CACNA1C: variants seen among roughly 807,000 people sequenced by gnomAD.
The protein encoded by CACNA1C is calcium voltage-gated channel subunit alpha1 C.
In CACNA1C, 30 loss-of-function variants were observed where a neutral mutation model predicts 229.0. That is an observed-to-expected ratio of 0.13 (90% CI 0.10 to 0.18). CACNA1C has a LOEUF of 0.18. Ranked by LOEUF, CACNA1C falls within the 10% of genes least tolerant of loss-of-function variation. The pLI is 1.00. For synonymous variants in CACNA1C, 1,114 were observed against 1,132.5 expected (o/e 0.98, Z 0.33); for missense variants, 1,658 against 2,845.0 (o/e 0.58, Z 9.49).
intron 1 of CACNA1C, among the ~76,000 whole-genome samples, chr12:2,065,853 T>G (rs2059086141): frequency 6.6e-6 from 1 of 151,058 alleles, no homozygotes; most frequent in African/African-American, 2.4e-5. Context: ...TTCAAAGGAG[T>G]AGTGAGTTGA....
At chr12:2,395,624 G>C (rs1378703068) in intron 3 of CACNA1C, among the ~76,000 whole-genome samples, 2 of 152,184 alleles carry the variant, frequency 1.3e-5, no homozygotes, top group African/African-American at 2.4e-5. Flanking sequence ...GCCTCTGGAA[G>C]AGCCAAGTGG....
In CACNA1C at chr12:2,682,653, G is replaced by A. The variant is rs1556204642; in HGVS notation, c.5548G>A (p.Glu1850Lys). The change falls in exon 43 of 47, where the codon GAG (glutamate) becomes AAG (lysine). Residue 1850 changes from glutamate (E) to lysine (K), a missense_variant. Around this residue, in one of 20 missense-constraint regions of CACNA1C, gnomAD observed 590 missense variants for 700.8 expected, o/e 0.84. Coordinates refer to ENST00000399655, the MANE Select transcript of CACNA1C (RefSeq NM_000719.7). ...GAACCATGACACGGAGGCCTGCAGTGAGCCCAGCCTGCTCTCCACAGAGAT... is the reference window on the plus strand; with the variant it reads ...GAACCATGACACGGAGGCCTGCAGTAAGCCCAGCCTGCTCTCCACAGAGAT... ...KMNHDTEACSEPSLLSTEMLS... is the reference protein window; with the variant it reads ...KMNHDTEACSKPSLLSTEMLS... 1.9e-6 allele frequency: 3 copies of A among 1,611,684 alleles called. No individual in the cohort carries two copies. Among genetic ancestry groups the A allele is most frequent in the South Asian group, 1.1e-5 (1 of 90,910 alleles).
chr12:2,375,919 A>T (rs2098044274), intron 3 of CACNA1C, among the ~76,000 whole-genome samples: 1 of 152,242 alleles, frequency 6.6e-6, no homozygotes, highest in Non-Finnish European at 1.5e-5. Context: ...GAAACCAGTC[A>T]GGACCTTCTC....
chr12:2,357,391 T>C (rs2097402952), intron 3 of CACNA1C, among the ~76,000 whole-genome samples: 1 of 152,186 alleles, frequency 6.6e-6, no homozygotes, highest in Admixed American at 6.5e-5. Flanking sequence ...TTCTTGGCCT[T>C]CTTAAAGATG....
intron 9 of CACNA1C, among the ~76,000 whole-genome samples, chr12:2,515,425 AACAAAT>A (rs1375197048): frequency 1.3e-5 from 2 of 152,244 alleles, no homozygotes; most frequent in African/African-American, 4.8e-5. Context: ...TGCTCTTTGA[AACAAAT>A]ACAAGGGGAG....
Position 2,348,732 on chromosome 12 carries a change from T to C in CACNA1C, c.478-100244T>C, listed in dbSNP as rs184596489. Among the ~76,000 whole-genome samples, 1 of 152,188 alleles carries C rather than the reference T, an allele frequency of 6.6e-6. No homozygotes were observed. Among genetic ancestry groups the C allele is most frequent in the Non-Finnish European group, 1.5e-5 (1 of 68,004 alleles). On this transcript the variant is annotated intron_variant, in intron 3 of 46. Coordinates refer to ENST00000399655, the MANE Select transcript of CACNA1C (RefSeq NM_000719.7). The surrounding 1 kb of genome is among the most constrained non-coding windows in gnomAD (Gnocchi z 4.7). Reference sequence around the variant, plus strand: ...CCCTGGAGAAGGAGCTGGGAATGTCTCGGGGGAAAGGTTCCTTCCTCGGGA... The same window carrying C: ...CCCTGGAGAAGGAGCTGGGAATGTCCCGGGGGAAAGGTTCCTTCCTCGGGA...
intron 12 of CACNA1C, among the ~76,000 whole-genome samples, chr12:2,567,079 C>G (rs911954044): frequency 2.1e-4 from 32 of 152,190 alleles, no homozygotes; most frequent in Non-Finnish European, 4.4e-4. Flanking sequence ...AGACGAGGGT[C>G]CCACTAGCCA....
intron 5 of CACNA1C, among the ~76,000 whole-genome samples, chr12:2,465,702 A>G (rs2099546382): frequency 6.6e-6 from 1 of 152,200 alleles, no homozygotes; most frequent in Non-Finnish European, 1.5e-5. Flanking sequence ...ACCGCACTGC[A>G]GAGACAGCTA....
intron 29 of CACNA1C, among the ~76,000 whole-genome samples, chr12:2,621,487 C>T (rs552977452): frequency 2.6e-5 from 4 of 152,278 alleles, no homozygotes; most frequent in Admixed American, 6.5e-5. Flanking sequence ...GAGGGGTGTG[C>T]ACTTCCTCTG....
At position 2,566,316 on chromosome 12, in the gene CACNA1C, A is replaced by G; in HGVS notation, c.1509-106A>G. On this transcript the variant is annotated intron_variant, in intron 11 of 46. Transcript: ENST00000399655. This position sits in a 1 kb window ranked among gnomAD's most constrained non-coding sequence, Gnocchi z 4.0. ...GCCACCAGATTGGGCTGCTCTAGCAAGGCCAGATCAGTGAGGGGCGAGAAG... is the reference window on the plus strand; with the variant it reads ...GCCACCAGATTGGGCTGCTCTAGCAGGGCCAGATCAGTGAGGGGCGAGAAG... 1 of 1,076,230 alleles carries G rather than the reference A, an allele frequency of 9.3e-7. No homozygotes were observed. Among genetic ancestry groups the G allele is most frequent in the South Asian group, 1.7e-5 (1 of 58,774 alleles). 66.7% of individuals were successfully genotyped at this position (1,076,230 alleles called of 1,614,324 possible). A position where few individuals can be genotyped will look rare whatever the true frequency, so the allele number is the denominator to read the frequency against.
intron 3 of CACNA1C, among the ~76,000 whole-genome samples, chr12:2,159,206 T>C (rs2095707929): frequency 6.6e-6 from 1 of 152,054 alleles, no homozygotes; most frequent in Admixed American, 6.6e-5. Context: ...TTAAATTATG[T>C]GTATAGGCCG....
At chr12:2,153,635 G>T (rs546097010) in intron 3 of CACNA1C, among the ~76,000 whole-genome samples, 1 of 152,176 alleles carries the variant, frequency 6.6e-6, no homozygotes, top group African/African-American at 2.4e-5. Flanking sequence ...TCCCTTGCTG[G>T]TAGGAAGGAC....
At chr12:2,474,168 G>A (rs2099608339) in intron 5 of CACNA1C, among the ~76,000 whole-genome samples, 7 of 152,122 alleles carry the variant, frequency 4.6e-5, no homozygotes, top group Admixed American at 4.6e-4. Context: ...TTCCCCAAAA[G>A]TATACCTTTT....
chr12:2,670,279 C>A (rs2096487049), intron 38 of CACNA1C, among the ~76,000 whole-genome samples: 1 of 152,136 alleles, frequency 6.6e-6, no homozygotes, highest in Non-Finnish European at 1.5e-5. Context: ...CAGTGTGTTC[C>A]TCGGGGCAAC....
chr12:2,526,503 G>A (rs117580147), intron 9 of CACNA1C, among the ~76,000 whole-genome samples: 2,661 of 152,342 alleles, frequency 0.017, 37 homozygotes, highest in Non-Finnish European at 0.029. Flanking sequence ...AGAACAGGAA[G>A]TTGTATTCAT....
intron 1 of CACNA1C, among the ~76,000 whole-genome samples, chr12:2,078,706 T>C (rs1312417091): frequency 6.6e-6 from 1 of 152,186 alleles, no homozygotes; most frequent in Non-Finnish European, 1.5e-5. Context: ...ACGCTTATCG[T>C]GGAAGTCGGT....
chr12:2,632,051 C>G lies in CACNA1C; in HGVS notation c.3829-2246C>G, dbSNP rs12821981. 0.017 allele frequency among the ~76,000 whole-genome samples: 2,510 copies of G among 151,964 alleles called. 27 individuals are homozygous for G. Among genetic ancestry groups the G allele is most frequent in the Non-Finnish European group, 0.024 (1,600 of 67,920 alleles). On this transcript the variant is annotated intron_variant, in intron 29 of 46. Transcript: ENST00000399655. This position sits in a 1 kb window ranked among gnomAD's most constrained non-coding sequence, Gnocchi z 4.1. The stretch of plus-strand genomic sequence containing the variant: ...TGAGCTGGGGAGAGATCTGGGGAAC[C>G]TCTCGGAGGACGCTTCATGCTTTCA...
rs2096852335 is a variant in CACNA1C, at chr12:2,181,932, C to T, written c.477+61502C>T. Among the ~76,000 whole-genome samples, 1 of 152,056 alleles carries T rather than the reference C, an allele frequency of 6.6e-6. No homozygotes were observed. Among genetic ancestry groups the T allele is most frequent in the East Asian group, 1.9e-4 (1 of 5,160 alleles). The stretch of plus-strand genomic sequence containing the variant: ...GGGGGTAAACTGATTCTGGATTACT[C>T]ATTAATGTAGAACTCCGACCAGTGG... On this transcript the variant is annotated intron_variant, in intron 3 of 46. Transcript: ENST00000399655. This position sits in a 1 kb window ranked among gnomAD's most constrained non-coding sequence, Gnocchi z 4.0.
At chr12:2,041,269 TC>T (rs1175246786) in intron 1 of CACNA1C, among the ~76,000 whole-genome samples, 11 of 132,996 alleles carry the variant, frequency 8.3e-5, no homozygotes, top group East Asian at 2.2e-4. Flanking sequence ...CTAAGGGTAT[TC>T]TTTTTTTTTT....
Sources: gnomAD v4.1 joint callset for allele counts (sites outside exome capture counted in the v4.1 genomes callset) on GRCh38, gnomAD v4.1.1 for gene constraint, gnomAD v4.1.1 regional missense constraint, Gnocchi (gnomAD v3.1) non-coding constraint, MANE v1.5 for transcripts, NCBI Gene and HGNC (gene_info 2026-07-23, HGNC 2026-07-21) for gene names.